Variants in SMG6 observed in about 807,000 individuals in gnomAD.
SMG6 encodes the protein SMG6 nonsense mediated mRNA decay factor, also known as telomerase-binding protein EST1A.
SMG6 carries 66 observed loss-of-function variants against 142.2 expected under a neutral mutation model. The ratio of observed to expected loss-of-function variants is 0.46; its 90% CI spans 0.38 to 0.57. The LOEUF (loss-of-function observed/expected upper bound fraction) is 0.57, where lower values mean the gene tolerates loss of function less well. Among genes scored for constraint, SMG6 ranks in the 20% least tolerant of loss-of-function variants. The pLI, the probability that SMG6 is intolerant of heterozygous loss-of-function variation, is 0.00. For synonymous variants in SMG6, 779 were observed against 702.4 expected, an observed-to-expected ratio of 1.11 and a Z score of -1.72; for missense variants, 1,793 against 1,832.0, an observed-to-expected ratio of 0.98 and a Z score of 0.39.
chr17:2,244,735 G>A lies in SMG6; in HGVS notation c.2662-16C>T. The stretch of plus-strand genomic sequence containing the variant: ...TTTTGTTCAGCTGCATGGGAAAAAG[G>A]GAGAGGAGAAAACAATTAAACTTTC... On this transcript the variant is annotated splice_polypyrimidine_tract_variant and intron_variant, in intron 8 of 18. Transcript: ENST00000263073. The A allele has an allele frequency of 1.2e-6, 2 of 1,609,778 alleles. No individual in the cohort carries two copies. Among genetic ancestry groups the A allele is most frequent in the Non-Finnish European group, 8.5e-7 (1 of 1,176,194 alleles).
At chr17:2,131,093 C>T (rs1427405564) in intron 13 of SMG6, among the ~76,000 whole-genome samples, 2 of 152,126 alleles carry the variant, frequency 1.3e-5, no homozygotes, top group Non-Finnish European at 2.9e-5. Flanking sequence ...ATTATTAAAA[C>T]AATTGATTTT....
rs2075209939 is a variant in SMG6 at position 2,299,079 on chromosome 17, A to T, written c.1674T>A (p.Pro558=). ...CGGGACTCATGGTGCTGGTAGGTAG[A>T]GGGCTACACACATACTGTCCTGACG... The part of the protein sequence containing the change: ...PTPSGQYVCS[P]LPTSTMSPEE... The change falls in exon 2 of 19, where the codon CCT becomes CCA. Residue 558 remains proline, a synonymous_variant. Transcript: ENST00000263073. The surrounding 1 kb of genome is among the most constrained non-coding windows in gnomAD (Gnocchi z 4.3). 1 of 1,614,040 alleles carries T rather than the reference A, an allele frequency of 6.2e-7. No individual in the cohort carries two copies. Among genetic ancestry groups the T allele is most frequent in the Admixed American group, 1.7e-5 (1 of 59,988 alleles).
intron 13 of SMG6, among the ~76,000 whole-genome samples, chr17:2,160,488 G>C (rs1036975720): frequency 6.6e-6 from 1 of 152,114 alleles, no homozygotes; most frequent in Non-Finnish European, 1.5e-5. Context: ...CAAAGTGCTG[G>C]GATTACAGGC....
At chr17:2,195,052 G>A (rs560600467) in intron 10 of SMG6, among the ~76,000 whole-genome samples, 2 of 152,182 alleles carry the variant, frequency 1.3e-5, no homozygotes, top group African/African-American at 2.4e-5. Context: ...AGGCGGCCTG[G>A]GAAGTCTGAA....
intron 13 of SMG6, chr17:2,087,358 C>T: frequency 1.7e-6 from 2 of 1,202,076 alleles, no homozygotes; most frequent in Non-Finnish European, 2.1e-6. Flanking sequence ...GAAAGTGCGG[C>T]ACACACCGGT....
intron 13 of SMG6, among the ~76,000 whole-genome samples, chr17:2,144,519 C>G (rs1340076165): frequency 6.7e-6 from 1 of 149,138 alleles, no homozygotes; most frequent in Non-Finnish European, 1.5e-5. Flanking sequence ...CTTTGTTTAT[C>G]CTTTACAAGG....
At chr17:2,186,862 A>G in intron 11 of SMG6, 31 bp from the exon 12 acceptor site, 1 of 1,609,620 alleles carries the variant, frequency 6.2e-7, no homozygotes, top group Non-Finnish European at 8.5e-7. Flanking sequence ...AACTGGGCCT[A>G]TGTCTGCTGT....
intron 10 of SMG6, among the ~76,000 whole-genome samples, chr17:2,198,456 T>C (rs1205342663): frequency 6.6e-6 from 1 of 152,096 alleles, no homozygotes; most frequent in Non-Finnish European, 1.5e-5. Flanking sequence ...GTGATAAAAT[T>C]GCACAGAACC....
Position 2,085,902 on chromosome 17 carries a change from C to G in SMG6, c.3358-1G>C. Reference sequence around the variant, plus strand: ...CCCTTTTGCAGTCAGCTGCAATAACCTACAGGGTGAGAGGGAGAGAAGAAA... The same window carrying G: ...CCCTTTTGCAGTCAGCTGCAATAACGTACAGGGTGAGAGGGAGAGAAGAAA... On this transcript the variant is annotated splice_acceptor_variant, in intron 13 of 18. Coordinates refer to ENST00000263073, the MANE Select transcript of SMG6 (RefSeq NM_017575.5). LOFTEE classifies it high-confidence loss of function. The surrounding 1 kb of genome is among the most constrained non-coding windows in gnomAD (Gnocchi z 4.1). 6.2e-7 allele frequency: 1 copy of G among 1,613,922 alleles called. No homozygotes were observed. Among genetic ancestry groups the G allele is most frequent in the African/African-American group, 1.3e-5 (1 of 75,034 alleles).
chr17:2,066,694 C>CACACA (rs1375441508), intron 16 of SMG6, among the ~76,000 whole-genome samples: 1 of 150,750 alleles, frequency 6.6e-6, no homozygotes, highest in Admixed American at 6.6e-5. Flanking sequence ...CACACACACA[C>CACACA]AATGCCCATG....
Position 2,085,848 on chromosome 17 carries a change from G to C in SMG6, c.3411C>G (p.Ala1137=), listed in dbSNP as rs1465889234. Residue 1137 remains alanine, a synonymous_variant, in exon 14 of 19, where the codon GCC becomes GCG. Transcript: ENST00000263073. The surrounding 1 kb of genome is among the most constrained non-coding windows in gnomAD (Gnocchi z 4.1). ...RVTVLKYFLE[A]LCGQEEPLLA... is the part of the protein sequence containing the mutation. Reference sequence around the variant, plus strand: ...GCAGAGGCTCTTCTTGTCCACAAAGGGCTTCCAGAAAATACTTCAGCACTG... The same window carrying C: ...GCAGAGGCTCTTCTTGTCCACAAAGCGCTTCCAGAAAATACTTCAGCACTG... 12 of 1,614,016 alleles carry C rather than the reference G, an allele frequency of 7.4e-6. No individual in the cohort carries two copies. Among genetic ancestry groups the C allele is most frequent in the South Asian group, 1.1e-5 (1 of 91,094 alleles).
chr17:2,212,708 C>G (rs1426303258), intron 10 of SMG6: 4 of 152,288 alleles, frequency 2.6e-5, no homozygotes, highest in Non-Finnish European at 4.4e-5. Flanking sequence ...CCCTACCAAA[C>G]TAACTCCAGG....
At position 2,153,827 on chromosome 17, in the gene SMG6, T is replaced by C. The variant is rs56283049; in HGVS notation, c.3357+18831A>G. On this transcript the variant is annotated intron_variant, in intron 13 of 18. Coordinates refer to ENST00000263073, the MANE Select transcript of SMG6 (RefSeq NM_017575.5). ...GTGACTGGGGGAACCTGGGGATGCA[T>C]GTAGAGTGTGACGGTGACTGGGAAA... Among the ~76,000 whole-genome samples the C allele has an allele frequency of 4.6e-4, 44 of 95,466 alleles. 1 individual carries two copies. The highest frequency in any genetic ancestry group is 5.2e-4 in the Non-Finnish European group (25 of 48,538). 62.6% of individuals were successfully genotyped at this position (95,466 alleles called of 152,430 possible).
At chr17:2,114,974 T>TAAA (rs2069460999) in intron 13 of SMG6, among the ~76,000 whole-genome samples, 2 of 108,530 alleles carry the variant, frequency 1.8e-5, no homozygotes, top group African/African-American at 8.7e-5. Context: ...TGAAATGAAA[T>TAAA]AAAATAAAAT....
At chr17:2,128,049 C>A in intron 13 of SMG6, 1 of 413,682 alleles carries the variant, frequency 2.4e-6, no homozygotes, top group South Asian at 1.9e-5. Context: ...CTCTCCTGTG[C>A]TCCAGCTGCA....
At chr17:2,273,384 G>C (rs1202625085) in intron 8 of SMG6, among the ~76,000 whole-genome samples, 2 of 152,150 alleles carry the variant, frequency 1.3e-5, no homozygotes, top group Admixed American at 6.5e-5. Flanking sequence ...GGCGTGGCTG[G>C]GGACAGTGGC....
At chr17:2,172,554 G>T in intron 13 of SMG6, 104 bp downstream of exon 13, 3 of 1,215,804 alleles carry the variant, frequency 2.5e-6, no homozygotes, top group Non-Finnish European at 3.6e-6. Flanking sequence ...CCTTCTCAAT[G>T]ACTTAATCAT....
At chr17:2,286,923 ATTTTTTTTTTTTT>A (rs59503723) in intron 6 of SMG6, among the ~76,000 whole-genome samples, 2 of 111,442 alleles carry the variant, frequency 1.8e-5, no homozygotes, top group Non-Finnish European at 3.6e-5. Flanking sequence ...ACATAAAATA[ATTTTTTTTTTTTT>A]TTTTTTTTTT....
rs1264863950 is a variant in SMG6 at position 2,081,959 on chromosome 17, T to C, written c.3535-3A>G. ...TCTTCAATCACCACATCCTCCTCCT[T>C]TGGGTGGTGGAGCCGACCAGGACAA... On this transcript the variant is annotated splice_region_variant and splice_polypyrimidine_tract_variant and intron_variant, in intron 14 of 18. Transcript: ENST00000263073. The C allele has an allele frequency of 1.2e-6, 2 of 1,613,922 alleles. No homozygotes were observed. Among genetic ancestry groups the C allele is most frequent in the Non-Finnish European group, 1.7e-6 (2 of 1,179,998 alleles).
Sources: gnomAD v4.1 joint callset for allele counts (sites outside exome capture counted in the v4.1 genomes callset) on GRCh38, gnomAD v4.1.1 for gene constraint, Gnocchi (gnomAD v3.1) non-coding constraint, MANE v1.5 for transcripts, NCBI Gene and HGNC (gene_info 2026-07-23, HGNC 2026-07-21) for gene names.